The following FAM193A variants were observed in gnomAD, a reference collection of about 807,000 sequenced individuals.
FAM193A encodes the protein protein FAM193A.
In FAM193A, 22 loss-of-function variants were observed where a neutral mutation model predicts 126.5. That is an observed-to-expected ratio of 0.17 (90% confidence interval 0.12 to 0.25). FAM193A has a LOEUF of 0.25. FAM193A is among the 10% of genes least tolerant of loss of function. The pLI is 1.00. For synonymous variants in FAM193A, 761 were observed against 646.8 expected (o/e 1.18, Z -2.68); for missense variants, 1,675 against 1,672.8 (o/e 1.00, Z -0.02).
chr4:2,615,000 G>A (rs7657265), intron 2 of FAM193A: 40,395 of 151,988 alleles, frequency 0.27, 5,840 homozygotes, highest in Middle Eastern at 0.39. Context: ...AGACTGGCTA[G>A]ATAATTTAAC....
intron 2 of FAM193A, among the ~76,000 whole-genome samples, chr4:2,602,903 G>T (rs1200080471): frequency 7.1e-6 from 1 of 140,430 alleles, no homozygotes; most frequent in East Asian, 2.1e-4. Flanking sequence ...CTTGTGATCC[G>T]CCCGCCTCGT....
intron 2 of FAM193A, chr4:2,608,190 C>A: frequency 6.6e-7 from 1 of 1,507,836 alleles, no homozygotes; most frequent in Non-Finnish European, 9.1e-7. Context: ...CTTCATTTTT[C>A]TTTTCTGTTT....
chr4:2,539,171 C>T (rs966563832), intron 1 of FAM193A, among the ~76,000 whole-genome samples: 1 of 152,038 alleles, frequency 6.6e-6, no homozygotes, highest in Admixed American at 6.6e-5. Context: ...GAATTACAGG[C>T]GTGAGCCACC....
At chr4:2,726,064 AT>A (rs1720715703) in intron 20 of FAM193A, among the ~76,000 whole-genome samples, 2 of 151,512 alleles carry the variant, frequency 1.3e-5, no homozygotes, top group East Asian at 1.9e-4. Flanking sequence ...ACGCCTGGCA[AT>A]TTTTTTTGTA....
At chr4:2,572,481 G>A (rs1336120340) in intron 1 of FAM193A, among the ~76,000 whole-genome samples, 1 of 152,162 alleles carries the variant, frequency 6.6e-6, no homozygotes, top group South Asian at 2.1e-4. Context: ...GCGTTCTCCA[G>A]TCTTCCTAGG....
At chr4:2,620,982 A>T (rs1202814055) in intron 2 of FAM193A, among the ~76,000 whole-genome samples, 1 of 152,050 alleles carries the variant, frequency 6.6e-6, no homozygotes, top group Non-Finnish European at 1.5e-5. Context: ...CAAGAAAGGA[A>T]CAAACTTGGA....
At position 2,713,633 on chromosome 4, in the gene FAM193A, C is replaced by G. The variant is rs894482879; in HGVS notation, c.4373-2390C>G. Among the ~76,000 whole-genome samples the G allele has an allele frequency of 2.6e-5, 4 of 152,192 alleles. No individual in the cohort carries two copies. In the East Asian group the frequency reaches 7.7e-4, roughly 29 times the overall value. On this transcript the variant is annotated intron_variant, in intron 19 of 20. Coordinates refer to ENST00000637812, the MANE Select transcript of FAM193A (RefSeq NM_001366318.2). ...TTTTCTCTTTCCTGTCTCCCTGTCT[C>G]TCCTCTTCCCATTTTTTGTTGGTGG...
chr4:2,542,071 A>G (rs1375915369), intron 1 of FAM193A, among the ~76,000 whole-genome samples: 1 of 151,020 alleles, frequency 6.6e-6, no homozygotes, highest in Non-Finnish European at 1.5e-5. Context: ...GCTGGCGTAC[A>G]GTGGGGTGAT....
At chr4:2,689,441 T>C in intron 13 of FAM193A, 65 bp from the exon 14 acceptor site, 2 of 1,234,272 alleles carry the variant, frequency 1.6e-6, no homozygotes, top group Non-Finnish European at 2.3e-6. Context: ...GTCTGTAGTT[T>C]AACTACTTAC....
At chr4:2,614,542 G>A (rs1355061788) in intron 2 of FAM193A, among the ~76,000 whole-genome samples, 2 of 152,096 alleles carry the variant, frequency 1.3e-5, no homozygotes, top group African/African-American at 4.8e-5. Flanking sequence ...TTGTGTCTAT[G>A]TTCATGAAGG....
intron 1 of FAM193A, among the ~76,000 whole-genome samples, chr4:2,551,375 TG>T (rs1560436655): frequency 1.3e-5 from 2 of 152,222 alleles, no homozygotes; most frequent in African/African-American, 4.8e-5. Flanking sequence ...TTGAGTGTCA[TG>T]TCAGTGCTGA....
upstream of FAM193A, among the ~76,000 whole-genome samples, chr4:2,535,734 T>C (rs1736840434): frequency 6.6e-6 from 1 of 152,038 alleles, no homozygotes; most frequent in African/African-American, 2.4e-5. Context: ...AGTGCGAGGG[T>C]GTGGGACACG....
intron 7 of FAM193A, among the ~76,000 whole-genome samples, chr4:2,653,259 G>A (rs1313704952): frequency 1.3e-5 from 2 of 151,974 alleles, no homozygotes; most frequent in Non-Finnish European, 2.9e-5. Context: ...TATTATATAT[G>A]GTATTATTGC....
At chr4:2,596,367 C>T (rs1405844596) in intron 2 of FAM193A, 38 bp downstream of exon 2, 12 of 691,204 alleles carry the variant, frequency 1.7e-5, no homozygotes, top group Non-Finnish European at 2.9e-5. Flanking sequence ...AGGGCGTTGG[C>T]TCCCCCCGCC....
At chr4:2,639,927 C>A in intron 6 of FAM193A, 68 bp downstream of exon 6, 1 of 1,481,148 alleles carries the variant, frequency 6.8e-7, no homozygotes, top group Non-Finnish European at 9.2e-7. Flanking sequence ...GACTGGTGTG[C>A]GTGTACCCGA....
intron 1 of FAM193A, among the ~76,000 whole-genome samples, chr4:2,553,697 G>T (rs1162328959): frequency 6.6e-6 from 1 of 152,074 alleles, no homozygotes; most frequent in Non-Finnish European, 1.5e-5. Context: ...TTAGAAGTTG[G>T]TATGGTTTGG....
intron 1 of FAM193A, among the ~76,000 whole-genome samples, chr4:2,571,281 C>G (rs1739277858): frequency 6.6e-6 from 1 of 152,082 alleles, no homozygotes; most frequent in African/African-American, 2.4e-5. Flanking sequence ...GCCCTGTACC[C>G]CATGGATTAA....
At chr4:2,619,362 G>A (rs1335210923) in intron 2 of FAM193A, among the ~76,000 whole-genome samples, 2 of 151,868 alleles carry the variant, frequency 1.3e-5, no homozygotes, top group African/African-American at 4.8e-5. Flanking sequence ...GACTGCAGTG[G>A]TGTAATCTCG....
At chr4:2,687,508 A>G (rs1010198405) in intron 13 of FAM193A, among the ~76,000 whole-genome samples, 4 of 152,224 alleles carry the variant, frequency 2.6e-5, no homozygotes, top group East Asian at 1.9e-4. Context: ...CCAAAGGCCA[A>G]GACGTGGGAC....
Sources: gnomAD v4.1 joint callset for allele counts (sites outside exome capture counted in the v4.1 genomes callset) on GRCh38, gnomAD v4.1.1 for gene constraint, MANE v1.5 for transcripts, NCBI Gene and HGNC (gene_info 2026-07-23, HGNC 2026-07-21) for gene names.